The following C20orf96 variants were observed in gnomAD, a reference collection of about 807,000 sequenced individuals.
C20orf96 encodes the protein chromosome 20 open reading frame 96.
C20orf96 carries 57 observed loss-of-function variants against 52.6 expected under a neutral mutation model. That is an observed-to-expected ratio of 1.08 (90% CI 0.88 to 1.35). C20orf96 has a LOEUF of 1.35. C20orf96 is among the 40% of genes most tolerant of loss of function. The pLI is 0.00. For synonymous variants in C20orf96, 168 were observed against 157.2 expected (o/e 1.07, Z -0.51); for missense variants, 478 against 443.6 (o/e 1.08, Z -0.70).
intron 10 of C20orf96, among the ~76,000 whole-genome samples, chr20:272,402 G>A (rs1008479513): frequency 3.3e-5 from 5 of 152,048 alleles, no homozygotes; most frequent in Non-Finnish European, 4.4e-5. Flanking sequence ...GGTCTCACTC[G>A]GTCACCCAGG....
rs750908008 is a variant in C20orf96, at chr20:277,251, A to C, written c.698T>G (p.Leu233Arg). ...SVQISTLMRQLQQVKDSQQDE... is the reference protein window; with the variant it reads ...SVQISTLMRQRQQVKDSQQDE... ...CTGCTGGCTGTCCTTAACCTGCTGC[A>C]GCTGGCGCATAAGAGTGGAGATCTG... Residue 233 changes from leucine to arginine, a missense_variant, in exon 7 of 11, where the codon CTG becomes CGG. Coordinates refer to ENST00000360321, the MANE Select transcript of C20orf96 (RefSeq NM_153269.3). The C allele has an allele frequency of 6.2e-7, 1 of 1,614,088 alleles. No homozygotes were observed. Among genetic ancestry groups the C allele is most frequent in the Non-Finnish European group, 8.5e-7 (1 of 1,180,048 alleles).
In C20orf96 at chr20:276,095, A is replaced by G. The variant is rs1239015493; in HGVS notation, c.913-9T>C. ...TCAAACTGGTCAATAATCTGAGAGG[A>G]AAGGCACAGCAGGGGAGAAGGGAGA... On this transcript the variant is annotated splice_polypyrimidine_tract_variant and intron_variant, in intron 9 of 10. Coordinates refer to ENST00000360321, the MANE Select transcript of C20orf96 (RefSeq NM_153269.3). 6.2e-7 allele frequency: 1 copy of G among 1,613,274 alleles called. No homozygotes were observed. Among genetic ancestry groups the G allele is most frequent in the South Asian group, 1.1e-5 (1 of 91,036 alleles).
At chr20:279,507 G>A (rs991304525) in intron 4 of C20orf96, among the ~76,000 whole-genome samples, 177 bp from the exon 5 acceptor site, 3 of 150,450 alleles carry the variant, frequency 2.0e-5, no homozygotes, top group Non-Finnish European at 4.5e-5. Context: ...CGGGAGCTCC[G>A]GGACTCTCAT....
rs372862648 is a variant in C20orf96 at position 276,897 on chromosome 20, G to A, written c.826-18C>T. On this transcript the variant is annotated intron_variant, in intron 8 of 10. Transcript: ENST00000360321. ...TGGGTTTCCTGTGGAGGAAGAAGAG[G>A]TCTGGCCCCCAGGTGCCTCTTCCTG... 11 of 1,613,754 alleles carry A rather than the reference G, an allele frequency of 6.8e-6. No individual in the cohort carries two copies. The Admixed American group carries it at 8.3e-5, about 12-fold the overall frequency.
intron 10 of C20orf96, among the ~76,000 whole-genome samples, chr20:273,899 AAGGAAGGGAGGGAGGGAGGG>A (rs1169508900): frequency 5.6e-4 from 33 of 59,064 alleles, no homozygotes; most frequent in Admixed American, 1.1e-3. Flanking sequence ...GGAAGAAAGG[AAGGAAGGGAGGGAGGGAGGG>A]AGGGAGGGAG....
rs766156164 is a variant in C20orf96, at chr20:279,315, C to A, written c.322G>T (p.Gly108Trp). 8.1e-6 allele frequency: 13 copies of A among 1,603,400 alleles called. No homozygotes were observed. The highest frequency in any genetic ancestry group is 6.8e-5 in the East Asian group (3 of 44,328). Residue 108 changes from glycine (G) to tryptophan (W), a missense_variant, in exon 5 of 11, where the codon GGG becomes TGG. Coordinates refer to ENST00000360321, the MANE Select transcript of C20orf96 (RefSeq NM_153269.3). ...IWLMKTSLRS[G>W]RAALRELRSR... ...CGGAGCTCTCGCAGAGCGGCCCTCCCGCTCCTGAGCGAGGTCTGCGGGCGG... is the reference window on the plus strand; with the variant it reads ...CGGAGCTCTCGCAGAGCGGCCCTCCAGCTCCTGAGCGAGGTCTGCGGGCGG...
intron 10 of C20orf96, among the ~76,000 whole-genome samples, chr20:271,958 G>A (rs112118373): frequency 8.0e-4 from 122 of 152,182 alleles, no homozygotes; most frequent in African/African-American, 2.6e-3. Context: ...ATTACATTCT[G>A]TTTCACTCTC....
intron 3 of C20orf96, 52 bp downstream of exon 3, chr20:289,507 C>A: frequency 8.2e-7 from 1 of 1,221,840 alleles, no homozygotes; most frequent in South Asian, 1.2e-5. Context: ...CAAAAGCAGC[C>A]ACTCTATCCT....
intron 4 of C20orf96, among the ~76,000 whole-genome samples, chr20:280,281 C>T (rs113356627): frequency 4.2e-3 from 578 of 139,162 alleles, no homozygotes; most frequent in Middle Eastern, 7.8e-3. Flanking sequence ...ACAATAACAA[C>T]AACAATTGTA....
rs1430578856 is a variant in C20orf96, at chr20:288,154, ATTTC to A, written c.187+1401_187+1404del. Reference sequence around the variant, plus strand: ...TAATTTTTATATTCGTTGTTAAATCATTTCTTTCTTTTTCTTTTTCTTTTTTTTT... The same window carrying A: ...TAATTTTTATATTCGTTGTTAAATCATTTCTTTTTCTTTTTCTTTTTTTTT... On this transcript the variant is annotated intron_variant, in intron 3 of 10. Transcript: ENST00000360321. 5.8e-3 allele frequency among the ~76,000 whole-genome samples: 295 copies of A among 50,862 alleles called. 4 individuals are homozygous for A. The highest frequency in any genetic ancestry group is 0.018 in the African/African-American group (279 of 15,350). The allele number at this position is 50,862 out of a possible 152,430, so 33.4% of individuals were successfully genotyped here.
At chr20:271,444 ACACACAC>A (rs2011836100) in intron 10 of C20orf96, among the ~76,000 whole-genome samples, 177 bp from the exon 11 acceptor site, 1 of 49,096 alleles carries the variant, frequency 2.0e-5, no homozygotes, top group African/African-American at 2.3e-4. Context: ...ACACAAGCAT[ACACACAC>A]ACACACACAC....
chr20:271,529 T>C (rs1401790903), intron 10 of C20orf96, among the ~76,000 whole-genome samples: 2 of 151,990 alleles, frequency 1.3e-5, no homozygotes, highest in East Asian at 3.9e-4. Flanking sequence ...AGGACAAATG[T>C]TCCCCTGACA....
chr20:278,681 G>A (rs1449193411), intron 5 of C20orf96, among the ~76,000 whole-genome samples: 2 of 151,096 alleles, frequency 1.3e-5, no homozygotes, highest in Admixed American at 6.6e-5. Flanking sequence ...CTGTCGCACC[G>A]GTACAGTATG....
chr20:290,559 T>C (rs772317737), intron 1 of C20orf96, 32 bp downstream of exon 1: 9 of 1,573,090 alleles, frequency 5.7e-6, no homozygotes, highest in Non-Finnish European at 7.7e-6. Context: ...CCGCCTTTCT[T>C]CCAATTTTTT....
intron 4 of C20orf96, 133 bp downstream of exon 4, chr20:283,830 C>G (rs1381975090): frequency 3.0e-6 from 2 of 669,194 alleles, no homozygotes; most frequent in Non-Finnish European, 5.4e-6. Flanking sequence ...CAAGGATAAG[C>G]GTGCTCACAC....
intron 10 of C20orf96, among the ~76,000 whole-genome samples, chr20:271,611 G>T (rs1334789710): frequency 6.6e-6 from 1 of 152,182 alleles, no homozygotes; most frequent in Admixed American, 6.5e-5. Context: ...CACTGGCTTT[G>T]GAGTGAGGAT....
chr20:289,204 CA>C (rs1555771697), intron 3 of C20orf96, among the ~76,000 whole-genome samples: 2 of 150,598 alleles, frequency 1.3e-5, no homozygotes, highest in East Asian at 2.0e-4. Flanking sequence ...GGACCCCCCC[CA>C]AAAAAAATGC....
At chr20:273,100 C>T (rs1225517589) in intron 10 of C20orf96, among the ~76,000 whole-genome samples, 2 of 152,102 alleles carry the variant, frequency 1.3e-5, no homozygotes, top group Non-Finnish European at 1.5e-5. Context: ...TTAGCCTTCA[C>T]TGCAGCTGGG....
chr20:284,152 T>C, intron 3 of C20orf96, 71 bp from the exon 4 acceptor site: 1 of 1,155,384 alleles, frequency 8.7e-7, no homozygotes, highest in Non-Finnish European at 1.3e-6. Flanking sequence ...TTCCCGGGAG[T>C]GCACCATTAA....
Sources: allele counts gnomAD v4.1 joint callset (sites outside exome capture counted in the v4.1 genomes callset), GRCh38; gene constraint gnomAD v4.1.1; transcripts MANE v1.5; gene names NCBI Gene and HGNC (gene_info 2026-07-23, HGNC 2026-07-21).